MICAL2: variants seen among roughly 807,000 people sequenced by gnomAD.
MICAL2 encodes the protein [F-actin]-monooxygenase MICAL2.
MICAL2 carries 77 observed loss-of-function variants against 127.3 expected under a neutral mutation model. The observed-to-expected ratio is 0.60, with a 90% confidence interval of 0.50 to 0.73. The LOEUF (loss-of-function observed/expected upper bound fraction) is 0.73, where lower values mean the gene tolerates loss of function less well. MICAL2 is among the 30% of genes least tolerant of loss of function. The pLI, the probability that MICAL2 is intolerant of heterozygous loss-of-function variation, is 0.00. For missense variants in MICAL2, 1,351 were observed against 1,434.4 expected (o/e 0.94, Z 0.94); for synonymous variants, 570 against 551.1 (o/e 1.03, Z -0.48).
chr11:12,261,562 T>A (rs1863112748), intron 26 of MICAL2: 1 of 985,488 alleles, frequency 1.0e-6, no homozygotes, highest in South Asian at 4.7e-5. Context: ...CTGGAGTTGC[T>A]GGGCCCAAGA....
intron 33 of MICAL2, among the ~76,000 whole-genome samples, chr11:12,353,332 A>T (rs1444709746): frequency 1.3e-5 from 2 of 152,064 alleles, no homozygotes; most frequent in African/African-American, 4.8e-5. Flanking sequence ...CTCTCAAAAC[A>T]TCCCTTGCTT....
chr11:12,250,501 G>A (rs888984425), intron 22 of MICAL2, among the ~76,000 whole-genome samples: 5 of 152,350 alleles, frequency 3.3e-5, no homozygotes, highest in South Asian at 2.1e-4. Flanking sequence ...CCATTTTACA[G>A]ATGAAGAAGT....
Position 12,222,691 on chromosome 11 carries a change from A to G in MICAL2, c.1397A>G (p.Asp466Gly). The change falls in exon 11 of 28, where the codon GAC becomes GGC. Residue 466 changes from aspartate to glycine, a missense_variant. Coordinates refer to ENST00000683283, the MANE Select transcript of MICAL2 (RefSeq NM_001282663.2). Reference protein sequence around the residue: ...INKNFEQYTLDPGTRYPNLNS... With the variant: ...INKNFEQYTLGPGTRYPNLNS... Reference sequence around the variant, plus strand: ...AAGAACTTTGAGCAGTACACGTTGGACCCAGGGACACGGTACCCAAACCTC... The same window carrying G: ...AAGAACTTTGAGCAGTACACGTTGGGCCCAGGGACACGGTACCCAAACCTC... 6.2e-7 allele frequency: 1 copy of G among 1,614,174 alleles called. No homozygotes were observed. The highest frequency in any genetic ancestry group is 1.1e-5 in the South Asian group (1 of 91,074).
At chr11:12,347,814 C>A (rs886635136) in intron 32 of MICAL2, among the ~76,000 whole-genome samples, 1 of 152,028 alleles carries the variant, frequency 6.6e-6, no homozygotes, top group Non-Finnish European at 1.5e-5. Context: ...GGTCAGAACT[C>A]CTGTGCAGAT....
intron 33 of MICAL2, among the ~76,000 whole-genome samples, chr11:12,351,843 T>G (rs1589923914): frequency 6.6e-6 from 1 of 151,732 alleles, no homozygotes. Context: ...CTGGCTGGAG[T>G]GCAGTGGTGT....
At chr11:12,240,373 C>T (rs1177418634) in intron 17 of MICAL2, among the ~76,000 whole-genome samples, 1 of 152,216 alleles carries the variant, frequency 6.6e-6, no homozygotes, top group Non-Finnish European at 1.5e-5. Flanking sequence ...ATGGTGAACA[C>T]CTGTCACATG....
intron 29 of MICAL2, among the ~76,000 whole-genome samples, chr11:12,306,674 T>C (rs1301389864): frequency 1.3e-5 from 2 of 152,220 alleles, no homozygotes; most frequent in Admixed American, 6.5e-5. Context: ...CTCAATAGTG[T>C]CGCCTTTCCT....
intron 1 of MICAL2, among the ~76,000 whole-genome samples, chr11:12,113,102 C>G (rs1312995310): frequency 6.6e-6 from 1 of 152,152 alleles, no homozygotes; most frequent in African/African-American, 2.4e-5. Flanking sequence ...CCTCTGAGGG[C>G]TAACAGTCTC....
intron 9 of MICAL2, among the ~76,000 whole-genome samples, chr11:12,221,180 G>A (rs1856775304): frequency 1.3e-5 from 2 of 151,970 alleles, no homozygotes; most frequent in South Asian, 2.1e-4. Context: ...TTCCCAGCTC[G>A]GTTTCTCCCT....
chr11:12,338,673 T>G (rs994591470), intron 32 of MICAL2, among the ~76,000 whole-genome samples: 3 of 152,200 alleles, frequency 2.0e-5, no homozygotes, highest in Non-Finnish European at 2.9e-5. Context: ...CTCTCAACAT[T>G]TGCTTGTCTG....
intron 32 of MICAL2, among the ~76,000 whole-genome samples, chr11:12,327,511 C>T (rs1025928769): frequency 1.3e-5 from 2 of 152,194 alleles, no homozygotes; most frequent in South Asian, 4.1e-4. Context: ...GGTCAGCCCG[C>T]GGGCCTTGTA....
chr11:12,318,612 C>G (rs1200212621), intron 29 of MICAL2, among the ~76,000 whole-genome samples: 1 of 152,138 alleles, frequency 6.6e-6, no homozygotes, highest in African/African-American at 2.4e-5. Flanking sequence ...TCCCCCGACC[C>G]AACACCTATT....
At chr11:12,146,734 A>G (rs1203272639) in intron 2 of MICAL2, among the ~76,000 whole-genome samples, 3 of 152,236 alleles carry the variant, frequency 2.0e-5, no homozygotes, top group African/African-American at 7.2e-5. Context: ...AGGATTATAA[A>G]TCATGCTGCT....
At chr11:12,273,001 A>G (rs1863689098), upstream of MICAL2, among the ~76,000 whole-genome samples, 1 of 152,244 alleles carries the variant, frequency 6.6e-6, no homozygotes, top group Non-Finnish European at 1.5e-5. Flanking sequence ...AAGGACTGCA[A>G]AGTCACAGCG....
At chr11:12,341,467 CA>C (rs75906702) in intron 32 of MICAL2, among the ~76,000 whole-genome samples, 96,965 of 149,992 alleles carry the variant, frequency 0.65, 31,341 homozygotes, top group Middle Eastern at 0.71. Context: ...TAAAAACAAA[CA>C]AAAAAAAAGA....
At position 12,256,776 on chromosome 11, in the gene MICAL2, G is replaced by A. The variant is rs757210893; in HGVS notation, c.2956-9G>A. The A allele has an allele frequency of 2.5e-5, 40 of 1,602,236 alleles. No individual in the cohort carries two copies. Among genetic ancestry groups the A allele is most frequent in the East Asian group, 4.5e-5 (2 of 44,576 alleles). ...CATAATACACCCACTCTTCTCTCCC[G>A]ATCCCCAGGAATCTATGCGAAAGTC... On this transcript the variant is annotated splice_polypyrimidine_tract_variant and intron_variant, in intron 23 of 27. Transcript: ENST00000683283.
downstream of MICAL2, chr11:12,292,239 C>T: frequency 6.2e-7 from 1 of 1,614,120 alleles, no homozygotes; most frequent in Non-Finnish European, 8.5e-7. Context: ...TCTTCCCCAC[C>T]ATCTTCTTCT....
chr11:12,245,062 T>C (rs562797920), intron 21 of MICAL2, among the ~76,000 whole-genome samples: 31 of 152,320 alleles, frequency 2.0e-4, no homozygotes, highest in Non-Finnish European at 3.5e-4. Context: ...GTTTTTCACT[T>C]GTCCTCCTGT....
At chr11:12,214,359 T>C (rs1283152130) in intron 7 of MICAL2, among the ~76,000 whole-genome samples, 4 of 152,236 alleles carry the variant, frequency 2.6e-5, no homozygotes, top group Non-Finnish European at 5.9e-5. Flanking sequence ...CAGACTCACC[T>C]ACTCCTTTTC....
Sources: allele counts gnomAD v4.1 joint callset (sites outside exome capture counted in the v4.1 genomes callset), GRCh38; gene constraint gnomAD v4.1.1; transcripts MANE v1.5; gene names NCBI Gene and HGNC (gene_info 2026-07-23, HGNC 2026-07-21).